The following RBFOX1 variants were observed in gnomAD, a reference collection of about 807,000 sequenced individuals.
The protein encoded by RBFOX1 is RNA binding protein fox-1 homolog 1.
In RBFOX1, 8 loss-of-function variants were observed where a neutral mutation model predicts 57.7. The observed-to-expected ratio is 0.14, with a 90% CI of 0.08 to 0.25. RBFOX1 has a LOEUF of 0.25. RBFOX1 is among the 10% of genes least tolerant of loss of function. The pLI, the probability that RBFOX1 is intolerant of heterozygous loss-of-function variation, is 1.00. For synonymous variants in RBFOX1, 326 were observed against 222.4 expected (o/e 1.47, Z -4.15); for missense variants, 611 against 548.5 (o/e 1.11, Z -1.14).
chr16:7,632,603 A>G (rs9941233), intron 11 of RBFOX1, among the ~76,000 whole-genome samples: 88,974 of 152,084 alleles, frequency 0.59, 27,166 homozygotes, highest in East Asian at 0.77. Context: ...TCGCTGTACC[A>G]TTTACCTAGC....
At chr16:6,866,833 C>T (rs912265992) in intron 3 of RBFOX1, among the ~76,000 whole-genome samples, 1 of 151,892 alleles carries the variant, frequency 6.6e-6, no homozygotes, top group South Asian at 2.1e-4. Flanking sequence ...GGAGCCACCG[C>T]GCCCAGCTAA....
intron 1 of RBFOX1, among the ~76,000 whole-genome samples, chr16:5,466,297 G>T (rs1281735168): frequency 6.6e-6 from 1 of 152,122 alleles, no homozygotes; most frequent in Non-Finnish European, 1.5e-5. Flanking sequence ...CTAAGCCAGG[G>T]TCCTTCCTGT....
chr16:7,605,499 A>C (rs1363733646), intron 9 of RBFOX1, among the ~76,000 whole-genome samples: 1 of 152,164 alleles, frequency 6.6e-6, no homozygotes, highest in African/African-American at 2.4e-5. Flanking sequence ...TAGCTTCTTC[A>C]GGTTGGAACT....
intron 3 of RBFOX1, among the ~76,000 whole-genome samples, chr16:5,784,302 C>T (rs1172734590): frequency 6.6e-6 from 1 of 152,288 alleles, no homozygotes; most frequent in African/African-American, 2.4e-5. Context: ...TGGCTGGCGC[C>T]TGTAGTCCCA....
chr16:6,584,572 T>A (rs1323930735), intron 2 of RBFOX1, among the ~76,000 whole-genome samples: 1 of 152,044 alleles, frequency 6.6e-6, no homozygotes, highest in East Asian at 1.9e-4. Flanking sequence ...TTTTGCCATG[T>A]TGACCAGGCT....
At position 5,944,831 on chromosome 16, in the gene RBFOX1, C is replaced by T. The variant is rs1011313916; in HGVS notation, c.351+77496C>T. Among the ~76,000 whole-genome samples the T allele has an allele frequency of 4.8e-4, 52 of 108,936 alleles. 1 individual carries two copies. The highest frequency in any genetic ancestry group is 1.7e-3 in the African/African-American group (46 of 27,004). The allele number at this position is 108,936 out of a possible 152,430, so 71.5% of individuals were successfully genotyped here. A position where few individuals can be genotyped will look rare whatever the true frequency, so the allele number is the denominator to read the frequency against. ...AAAATTAGCTGGGTGTGGTGTCACA[C>T]ACCTGTAGTCCCAGCTACTCAGGAG... On this transcript the variant is annotated intron_variant, in intron 4 of 19. Coordinates refer to the RBFOX1 transcript ENST00000641259.
At chr16:5,636,305 G>A (rs11867100) in intron 3 of RBFOX1, among the ~76,000 whole-genome samples, 6 of 152,040 alleles carry the variant, frequency 3.9e-5, no homozygotes, top group Admixed American at 1.3e-4. Flanking sequence ...CCAAGATTGC[G>A]CCATTTCACC....
intron 3 of RBFOX1, among the ~76,000 whole-genome samples, chr16:6,954,271 C>G (rs982034713): frequency 6.6e-6 from 1 of 152,044 alleles, no homozygotes; most frequent in Non-Finnish European, 1.5e-5. Flanking sequence ...GGTAGCGATT[C>G]TGGTCATCTC....
intron 3 of RBFOX1, among the ~76,000 whole-genome samples, chr16:6,961,346 A>C (rs1352056694): frequency 6.6e-6 from 1 of 152,070 alleles, no homozygotes; most frequent in Non-Finnish European, 1.5e-5. Context: ...CCCTGCGTCC[A>C]CTCCAGACCG....
At chr16:7,332,788 G>C (rs1197859678) in intron 4 of RBFOX1, 2 of 1,394,156 alleles carry the variant, frequency 1.4e-6, no homozygotes, top group Non-Finnish European at 1.9e-6. Context: ...CAGCTGCTGT[G>C]TCTCTTCGTC....
At chr16:5,893,805 CAA>C (rs34828601) in intron 4 of RBFOX1, among the ~76,000 whole-genome samples, 1 of 143,122 alleles carries the variant, frequency 7.0e-6, no homozygotes. Flanking sequence ...GACTCCACCT[CAA>C]AAAAAAAAAA....
chr16:7,150,866 A>T (rs1405718066), intron 4 of RBFOX1, among the ~76,000 whole-genome samples: 5 of 152,208 alleles, frequency 3.3e-5, no homozygotes, highest in African/African-American at 1.2e-4. Flanking sequence ...GCCTGCTTAC[A>T]CCACATTATA....
At chr16:7,367,699 A>G (rs997655011) in intron 4 of RBFOX1, among the ~76,000 whole-genome samples, 8 of 152,320 alleles carry the variant, frequency 5.3e-5, no homozygotes, top group South Asian at 2.1e-4. Flanking sequence ...CATCTGTTCT[A>G]TCTAAAGGAG....
intron 4 of RBFOX1, among the ~76,000 whole-genome samples, chr16:7,369,662 C>G (rs922757105): frequency 4.6e-5 from 7 of 152,102 alleles, no homozygotes; most frequent in Admixed American, 3.3e-4. Flanking sequence ...TGAAGTGAGA[C>G]TAGTTTATTC....
chr16:5,282,328 A>G (rs902863743), intron 1 of RBFOX1, among the ~76,000 whole-genome samples: 1 of 152,210 alleles, frequency 6.6e-6, no homozygotes, highest in African/African-American at 2.4e-5. Context: ...GCTGTGTGAA[A>G]ATGGACTAAT....
chr16:5,867,256 C>T (rs2057364287), intron 3 of RBFOX1: 6 of 1,144,594 alleles, frequency 5.2e-6, no homozygotes, highest in African/African-American at 1.6e-5. Flanking sequence ...AATCCAATTA[C>T]CTTCTTGTTG....
intron 1 of RBFOX1, 86 bp from the exon 2 acceptor site, chr16:6,316,903 GGTTGGT>G (rs2081185550): frequency 2.2e-6 from 2 of 927,326 alleles, no homozygotes; most frequent in African/African-American, 3.3e-5. Flanking sequence ...CTATTTTGAA[GGTTGGT>G]CCATATTACT....
At chr16:5,966,394 C>T (rs900214034) in intron 4 of RBFOX1, among the ~76,000 whole-genome samples, 5 of 152,152 alleles carry the variant, frequency 3.3e-5, no homozygotes, top group Admixed American at 2.6e-4. Context: ...AACATGAGGG[C>T]TGACGGTTCA....
At chr16:6,701,040 G>C (rs1002798149) in intron 3 of RBFOX1, among the ~76,000 whole-genome samples, 1 of 152,018 alleles carries the variant, frequency 6.6e-6, no homozygotes, top group African/African-American at 2.4e-5. Context: ...GGCAGAGGGG[G>C]GGGTGAGTCA....
Sources: gnomAD v4.1 joint callset for allele counts (sites outside exome capture counted in the v4.1 genomes callset) on GRCh38, gnomAD v4.1.1 for gene constraint, MANE v1.5 for transcripts, NCBI Gene and HGNC (gene_info 2026-07-23, HGNC 2026-07-21) for gene names.